SSX5: variants seen among roughly 807,000 people sequenced by gnomAD.
The protein encoded by SSX5 is protein SSX5.
SSX5 carries 14 observed loss-of-function variants against 14.9 expected under a neutral mutation model. The ratio of observed to expected loss-of-function variants is 0.94; its 90% confidence interval spans 0.62 to 1.47. The LOEUF (loss-of-function observed/expected upper bound fraction) is 1.47, where lower values mean the gene tolerates loss of function less well. Among genes scored for constraint, SSX5 ranks in the 40% most tolerant of loss-of-function variants. SSX5 has a pLI of 0.00. For synonymous variants in SSX5, 70 were observed against 55.4 expected (o/e 1.26, Z -1.17); for missense variants, 204 against 154.6 (o/e 1.32, Z -1.70).
chrX:48,188,898 C>G (rs1474920071), intron 6 of SSX5, among the ~76,000 whole-genome samples: 1 of 112,142 alleles, frequency 8.9e-6, no homozygotes, highest in East Asian at 2.8e-4. Flanking sequence ...AATAAGAAAG[C>G]AAAACTGCCT....
intron 5 of SSX5, among the ~76,000 whole-genome samples, chrX:48,191,205 T>C (rs1328985606): frequency 9.0e-6 from 1 of 111,506 alleles, no homozygotes; most frequent in Non-Finnish European, 1.9e-5. Context: ...GCCCAGTCCT[T>C]AGGCTACTTT....
At position 48,194,205 on chromosome X, in the gene SSX5, T is replaced by G. The variant is rs148587888; in HGVS notation, c.204A>C (p.Pro68=). ...MTKLGFKATL[P]PFMRNKRVAD... is the part of the protein sequence containing the mutation. ...CGACCCGTTTATTACGCATGAAAGGTGGGAGGGTGGCCTTGAAACCTAGAA... is the reference window on the plus strand; with the variant it reads ...CGACCCGTTTATTACGCATGAAAGGGGGGAGGGTGGCCTTGAAACCTAGAA... The change falls in exon 4 of 8, where the codon CCA becomes CCC. Residue 68 remains proline, a synonymous_variant. Transcript: ENST00000347757. 449 of 1,206,920 alleles carry G rather than the reference T, an allele frequency of 3.7e-4. No homozygotes were observed. In the African/African-American group the frequency reaches 6.9e-3, roughly 19 times the overall value.
chrX:48,188,997 A>G (rs1479346745), intron 6 of SSX5, among the ~76,000 whole-genome samples: 3 of 112,469 alleles, frequency 2.7e-5, no homozygotes, highest in African/African-American at 6.5e-5. Flanking sequence ...GGCAAGACCC[A>G]AACTCTCTTC....
intron 5 of SSX5, among the ~76,000 whole-genome samples, chrX:48,190,718 G>A (rs1311698361): frequency 6.3e-5 from 7 of 111,009 alleles, no homozygotes; most frequent in African/African-American, 2.0e-4. Flanking sequence ...GATGGTGTGG[G>A]GAGATGTATA....
chrX:48,188,359 T>C (rs1308683792), intron 6 of SSX5, among the ~76,000 whole-genome samples: 1 of 112,552 alleles, frequency 8.9e-6, no homozygotes, highest in African/African-American at 3.2e-5. Flanking sequence ...AAGGGATCTA[T>C]CCCCTCAAAC....
chrX:48,191,658 C>T (rs1556924793), intron 5 of SSX5, among the ~76,000 whole-genome samples: 2 of 112,051 alleles, frequency 1.8e-5, no homozygotes, highest in Non-Finnish European at 1.9e-5. Flanking sequence ...GGGGTGAAGC[C>T]CTAGTGAGCA....
Position 48,187,614 on chromosome X carries a change from A to C in SSX5, c.*4+13T>G. 8.3e-7 allele frequency: 1 copy of C among 1,204,231 alleles called. No homozygotes were observed. The highest frequency in any genetic ancestry group is 1.1e-6 in the Non-Finnish European group (1 of 890,263). On this transcript the variant is annotated intron_variant, in intron 7 of 7. Coordinates refer to ENST00000347757, the MANE Select transcript of SSX5 (RefSeq NM_175723.2). ...CTGCAAGGATGTGGGAGATGAGCCA[A>C]AGGTTCACTTACGGAGTTACTCGTC...
chrX:48,194,650 G>A, intron 3 of SSX5, 90 bp downstream of exon 3: 1 of 997,436 alleles, frequency 1.0e-6, no homozygotes, highest in East Asian at 3.1e-5. Flanking sequence ...GGAAAACGTG[G>A]GGTACTTTCT....
chrX:48,187,548 C>G (rs1161791300), intron 7 of SSX5, 79 bp downstream of exon 7: 4 of 1,077,598 alleles, frequency 3.7e-6, no homozygotes, highest in Middle Eastern at 3.6e-4. Flanking sequence ...TGGGGAACAA[C>G]TGATAAGATG....
In SSX5 at chrX:48,186,403, T is replaced by TGTGTGTGCGCGCGCGC. The variant is rs1327257757; in HGVS notation, c.*457_*458insGCGCGCGCGCACACAC. ...GTGTGTGTGTGTGTGTGTGTGTGTG[T>TGTGTGTGCGCGCGCGC]GCGCGCGCGCGCGCATGTGTGTCTG... is the stretch of plus-strand genomic sequence containing the variant. On this transcript the variant is annotated 3_prime_UTR_variant, in exon 8 of 8. Transcript: ENST00000347757. 7.9e-6 allele frequency: 1 copy of TGTGTGTGCGCGCGCGC among 126,230 alleles called. No homozygotes were observed. The highest frequency in any genetic ancestry group is 4.0e-5 in the African/African-American group (1 of 24,997). 10.4% of individuals were successfully genotyped at this position (126,230 alleles called of 1,213,427 possible).
At position 48,186,775 on chromosome X, in the gene SSX5, G is replaced by A. The variant is rs2059399371; in HGVS notation, c.*86C>T. 12 of 1,195,713 alleles carry A rather than the reference G, an allele frequency of 1.0e-5. No homozygotes were observed. Among genetic ancestry groups the A allele is most frequent in the Non-Finnish European group, 1.3e-5 (12 of 893,200 alleles). ...TTTCACTTGCTATACACCTGATGAC[G>A]AGGGATCCGCAGCCATGCCCATGTT... On this transcript the variant is annotated 3_prime_UTR_variant, in exon 8 of 8. Coordinates refer to ENST00000347757, the MANE Select transcript of SSX5 (RefSeq NM_175723.2).
chrX:48,187,181 C>T (rs182967376), intron 7 of SSX5, among the ~76,000 whole-genome samples: 3 of 111,804 alleles, frequency 2.7e-5, no homozygotes, highest in South Asian at 3.7e-4. Context: ...GTTAGGCAGG[C>T]GCAGAGGCTC....
intron 2 of SSX5, chrX:48,195,086 T>G: frequency 8.3e-7 from 1 of 1,211,661 alleles, no homozygotes; most frequent in Non-Finnish European, 1.1e-6. Flanking sequence ...CGGACTGAGA[T>G]TCACCAAATG....
At chrX:48,187,375 G>T (rs1313560580) in intron 7 of SSX5, among the ~76,000 whole-genome samples, 1 of 110,795 alleles carries the variant, frequency 9.0e-6, no homozygotes, top group Non-Finnish European at 1.9e-5. Flanking sequence ...CAGGAGAATG[G>T]CGTGAACACG....
At chrX:48,196,382 T>TC (rs1237301495) in intron 1 of SSX5, among the ~76,000 whole-genome samples, 2 of 108,722 alleles carry the variant, frequency 1.8e-5, no homozygotes, top group East Asian at 5.8e-4. Context: ...AGTGAGTTTT[T>TC]TTTTTTTTTT....
Position 48,187,078 on chromosome X carries a change from C to T in SSX5, c.*5-222G>A, listed in dbSNP as rs1310563191. ...TCCTAGGCTAGAGGAAGGTGTGGCC[C>T]GCATATCAGTGCTGACCTGGGGTTT... On this transcript the variant is annotated intron_variant, in intron 7 of 7. Transcript: ENST00000347757. 3.6e-5 allele frequency among the ~76,000 whole-genome samples: 4 copies of T among 111,508 alleles called. No individual in the cohort carries two copies. In the Admixed American group the frequency reaches 3.8e-4, roughly 11 times the overall value.
chrX:48,195,130 C>G lies in SSX5; in HGVS notation c.69+160G>C, dbSNP rs782584297. 74 of 1,211,601 alleles carry G rather than the reference C, an allele frequency of 6.1e-5. 1 individual carries two copies. Among genetic ancestry groups the G allele is most frequent in the East Asian group, 3.8e-4 (13 of 33,842 alleles). On this transcript the variant is annotated intron_variant, in intron 2 of 7. Transcript: ENST00000347757. Reference sequence around the variant, plus strand: ...GGTCACAGACTTGTCTCCAGGGATGCTAGGTGATGACAGAGCGAGAGTGAG... The same window carrying G: ...GGTCACAGACTTGTCTCCAGGGATGGTAGGTGATGACAGAGCGAGAGTGAG...
At chrX:48,195,183 G>A in intron 2 of SSX5, 107 bp downstream of exon 2, 13 of 1,210,089 alleles carry the variant, frequency 1.1e-5, no homozygotes, top group Non-Finnish European at 1.5e-5. Context: ...GATGTCCCCG[G>A]AGACCCTGGT....
intron 1 of SSX5, 59 bp from the exon 2 acceptor site, chrX:48,195,437 G>A: frequency 9.2e-7 from 1 of 1,082,136 alleles, no homozygotes; most frequent in Non-Finnish European, 1.3e-6. Context: ...CATGGAGGGA[G>A]AAATCAGTGA....
Sources: gnomAD v4.1 joint callset for allele counts (sites outside exome capture counted in the v4.1 genomes callset) on GRCh38, gnomAD v4.1.1 for gene constraint, MANE v1.5 for transcripts, NCBI Gene and HGNC (gene_info 2026-07-23, HGNC 2026-07-21) for gene names.